Variants in ZNF268 observed in about 807,000 individuals in gnomAD.
ZNF268 encodes zinc finger protein 268.
A neutral mutation model predicts 29.3 loss-of-function variants in ZNF268; 20 were observed. That is an observed-to-expected ratio of 0.68 (90% CI 0.48 to 0.99). The LOEUF is 0.99. Among genes scored for constraint, ZNF268 ranks in the 50% least tolerant of loss-of-function variants. The pLI is 0.00. For missense variants in ZNF268, 1,240 were observed against 1,121.6 expected (o/e 1.11, Z -1.51); for synonymous variants, 429 against 376.9 (o/e 1.14, Z -1.60).
chr12:133,209,943 TC>T lies in ZNF268; in HGVS notation c.*5416del, dbSNP rs1408759058. ...TTGCAGTGTTTTGTCGCAGTGTTTC[TC>T]CCTTTTTTTGTACTGGGATTTCTCC... On this transcript the variant is annotated 3_prime_UTR_variant, in exon 6 of 6. Transcript: ENST00000536435. 2 of 152,256 alleles carry T rather than the reference TC, an allele frequency of 1.3e-5. No homozygotes were observed. Among genetic ancestry groups the T allele is most frequent in the Non-Finnish European group, 2.9e-5 (2 of 68,050 alleles). The allele number at this position is 152,256 out of a possible 1,614,324, so 9.4% of individuals were successfully genotyped here.
intron 2 of ZNF268, among the ~76,000 whole-genome samples, chr12:133,185,637 G>A (rs1329993887): frequency 6.6e-6 from 1 of 151,934 alleles, no homozygotes; most frequent in East Asian, 1.9e-4. Context: ...AGAGTGTGTG[G>A]CGCTAAGACA....
intron 3 of ZNF268, among the ~76,000 whole-genome samples, chr12:133,188,659 A>G (rs1015147913): frequency 2.6e-5 from 4 of 151,802 alleles, no homozygotes; most frequent in African/African-American, 4.8e-5. Context: ...TGTTTACGTA[A>G]TATGTATTGT....
intron 5 of ZNF268, among the ~76,000 whole-genome samples, chr12:133,198,885 T>C (rs1252615796): frequency 6.7e-6 from 1 of 148,498 alleles, no homozygotes; most frequent in Non-Finnish European, 1.5e-5. Flanking sequence ...ACATTGATTT[T>C]GTATCCTGAG....
intron 5 of ZNF268, chr12:133,193,497 C>T: frequency 1.4e-6 from 1 of 698,788 alleles, no homozygotes; most frequent in East Asian, 2.7e-5. Context: ...CTGCTCTGTG[C>T]TTCCAAGATG....
chr12:133,182,249 T>C (rs1480508730), intron 2 of ZNF268, among the ~76,000 whole-genome samples: 3 of 152,228 alleles, frequency 2.0e-5, no homozygotes, highest in South Asian at 4.1e-4. Context: ...CTAACAACTT[T>C]GTACGCTGAA....
In ZNF268 at chr12:133,193,385, A is replaced by G. The variant is rs1266805825; in HGVS notation, c.457+1382A>G. 8.1e-6 allele frequency: 5 copies of G among 613,960 alleles called. No homozygotes were observed. In the East Asian group the frequency reaches 1.1e-4, roughly 14 times the overall value. The allele number at this position is 613,960 out of a possible 1,614,324, so 38.0% of individuals were successfully genotyped here. A position where few individuals can be genotyped will look rare whatever the true frequency, so the allele number is the denominator to read the frequency against. ...TTGTGTTGCTGTAATAAAATACTATAGACTAGGTAATTTTATAAAGCACAG... is the reference window on the plus strand; with the variant it reads ...TTGTGTTGCTGTAATAAAATACTATGGACTAGGTAATTTTATAAAGCACAG... On this transcript the variant is annotated intron_variant, in intron 5 of 5. Transcript: ENST00000536435.
In ZNF268 at chr12:133,198,872, T is replaced by C. The variant is rs1321099320; in HGVS notation, c.458-3272T>C. Among the ~76,000 whole-genome samples, 11 of 148,732 alleles carry C rather than the reference T, an allele frequency of 7.4e-5. No homozygotes were observed. The East Asian group carries it at 1.9e-3, about 26-fold the overall frequency. On this transcript the variant is annotated intron_variant, in intron 5 of 5. Coordinates refer to ENST00000536435, the MANE Select transcript of ZNF268 (RefSeq NM_003415.3). Reference sequence around the variant, plus strand: ...GGTGTATAAGAATGCTTGTGATTTTTGTACATTGATTTTGTATCCTGAGAC... The same window carrying C: ...GGTGTATAAGAATGCTTGTGATTTTCGTACATTGATTTTGTATCCTGAGAC...
In ZNF268 at chr12:133,202,320, T is replaced by C; in HGVS notation, c.634T>C (p.Tyr212His). 1 of 1,611,994 alleles carries C rather than the reference T, an allele frequency of 6.2e-7. No individual in the cohort carries two copies. Among genetic ancestry groups the C allele is most frequent in the Non-Finnish European group, 8.5e-7 (1 of 1,179,024 alleles). ...TGGCACGCATGGAAAGAGTTTGAAA[T>C]ATATAGATTTCACTAGTGATTATGC... is the stretch of plus-strand genomic sequence containing the variant. ...KCGTHGKSLK[Y>H]IDFTSDYARN... The change falls in exon 6 of 6, where the codon TAT becomes CAT. Residue 212 changes from tyrosine (Y) to histidine (H), a missense_variant. By Grantham distance (83) the Tyr-to-His change is moderately conservative. Coordinates refer to ENST00000536435, the MANE Select transcript of ZNF268 (RefSeq NM_003415.3).
chr12:133,191,672 G>A (rs1956479979), intron 4 of ZNF268, 57 bp downstream of exon 4: 4 of 1,598,752 alleles, frequency 2.5e-6, no homozygotes, highest in African/African-American at 1.3e-5. Flanking sequence ...CTTCTTGGTT[G>A]CTGAAAACTG....
chr12:133,206,677 T>A lies in ZNF268; in HGVS notation c.*2147T>A, dbSNP rs1167431720. On this transcript the variant is annotated 3_prime_UTR_variant, in exon 6 of 6. Coordinates refer to ENST00000536435, the MANE Select transcript of ZNF268 (RefSeq NM_003415.3). ...TATTAGATACCCAAAGAAATTTTCA[T>A]CCTTGAAGCGGAGGAATTTAATGAT... 1.3e-5 allele frequency: 2 copies of A among 152,040 alleles called. No individual in the cohort carries two copies. The highest frequency in any genetic ancestry group is 4.8e-5 in the African/African-American group (2 of 41,450). 9.4% of individuals were successfully genotyped at this position (152,040 alleles called of 1,614,324 possible). A position where few individuals can be genotyped will look rare whatever the true frequency, so the allele number is the denominator to read the frequency against.
intron 5 of ZNF268, among the ~76,000 whole-genome samples, chr12:133,196,204 C>G (rs1021998852): frequency 3.3e-5 from 5 of 149,254 alleles, no homozygotes; most frequent in Admixed American, 3.3e-4. Context: ...TGCCTGTAAT[C>G]CCAGCTACTC....
intron 5 of ZNF268, among the ~76,000 whole-genome samples, chr12:133,198,350 T>G (rs1002024619): frequency 1.3e-5 from 2 of 150,412 alleles, no homozygotes; most frequent in Non-Finnish European, 3.0e-5. Context: ...GTTGTAGATA[T>G]GCGGCATTAT....
intron 5 of ZNF268, among the ~76,000 whole-genome samples, chr12:133,192,955 G>C (rs575336940): frequency 1.8e-3 from 281 of 152,290 alleles, no homozygotes; most frequent in African/African-American, 6.4e-3. Context: ...CACCATGCCT[G>C]GCCTTGCTAA....
At position 133,192,019 on chromosome 12, in the gene ZNF268, A is replaced by G. The variant is rs1956487939; in HGVS notation, c.457+16A>G. 6.3e-7 allele frequency: 1 copy of G among 1,582,312 alleles called. No homozygotes were observed. Among genetic ancestry groups the G allele is most frequent in the Non-Finnish European group, 8.6e-7 (1 of 1,157,776 alleles). ...ACCTGTCCAAGTGAGTGATGGAGAC[A>G]AATCTTTTCTTCTTTATTTAGAATT... On this transcript the variant is annotated intron_variant, in intron 5 of 5. Coordinates refer to ENST00000536435, the MANE Select transcript of ZNF268 (RefSeq NM_003415.3).
At chr12:133,189,151 AT>A (rs1956398963) in intron 3 of ZNF268, among the ~76,000 whole-genome samples, 1 of 151,006 alleles carries the variant, frequency 6.6e-6, no homozygotes, top group African/African-American at 2.4e-5. Flanking sequence ...GATATTTTAG[AT>A]TTATATGTAA....
Position 133,213,590 on chromosome 12 carries a change from G to A in ZNF268, c.*9060G>A, listed in dbSNP as rs1957017116. Reference sequence around the variant, plus strand: ...ATGTGCCTGTAATCCCAGCAACTCAGGAAGCTGAGGCAGGAGGATCGCTTG... The same window carrying A: ...ATGTGCCTGTAATCCCAGCAACTCAAGAAGCTGAGGCAGGAGGATCGCTTG... On this transcript the variant is annotated 3_prime_UTR_variant, in exon 6 of 6. Coordinates refer to ENST00000536435, the MANE Select transcript of ZNF268 (RefSeq NM_003415.3). 6.6e-6 allele frequency: 1 copy of A among 151,960 alleles called. No homozygotes were observed. The highest frequency in any genetic ancestry group is 2.4e-5 in the African/African-American group (1 of 41,368). The allele number at this position is 151,960 out of a possible 1,614,324, so 9.4% of individuals were successfully genotyped here.
chr12:133,203,628 G>A lies in ZNF268; in HGVS notation c.1942G>A (p.Ala648Thr), dbSNP rs1956814360. 16 of 1,565,330 alleles carry A rather than the reference G, an allele frequency of 1.0e-5. No homozygotes were observed. The highest frequency in any genetic ancestry group is 1.4e-5 in the African/African-American group (1 of 73,708). The change falls in exon 6 of 6, where the codon GCC becomes ACC. Residue 648 changes from alanine (A) to threonine (T), a missense_variant. Ala to Thr is a moderately conservative substitution (Grantham distance 58, BLOSUM62 0). Coordinates refer to ENST00000536435, the MANE Select transcript of ZNF268 (RefSeq NM_003415.3). ...KPYSCNECGK[A>T]FTFKSQLIVH... ...CTATAGTTGTAATGAATGTGGAAAA[G>A]CCTTTACGTTCAAATCACAGCTCAT... is the stretch of plus-strand genomic sequence containing the variant.
Position 133,181,607 on chromosome 12 carries a change from C to T in ZNF268, c.-132C>T, listed in dbSNP as rs142243531. ...GCCGAGTCTGGAGTGGTTGCGAACC[C>T]TTCTGGCTGCAGATCTGGAGGTGGA... On this transcript the variant is annotated 5_prime_UTR_variant, in exon 1 of 6. Coordinates refer to ENST00000536435, the MANE Select transcript of ZNF268 (RefSeq NM_003415.3). The T allele has an allele frequency of 9.0e-5, 17 of 189,736 alleles. No homozygotes were observed. Among genetic ancestry groups the T allele is most frequent in the African/African-American group, 3.7e-4 (16 of 43,204 alleles). The allele number at this position is 189,736 out of a possible 1,614,324, so 11.8% of individuals were successfully genotyped here.
Position 133,193,443 on chromosome 12 carries a change from A to G in ZNF268, c.457+1440A>G, listed in dbSNP as rs1035655027. The G allele has an allele frequency of 2.5e-5, 17 of 685,060 alleles. No homozygotes were observed. The African/African-American group carries it at 3.0e-4, about 12-fold the overall frequency. 42.4% of individuals were successfully genotyped at this position (685,060 alleles called of 1,614,324 possible). ...TTTCTCACAGTTTTGAAGGCTGGAAAGTCCAAAGCCAAGGTGCTGGCAGGT... is the reference window on the plus strand; with the variant it reads ...TTTCTCACAGTTTTGAAGGCTGGAAGGTCCAAAGCCAAGGTGCTGGCAGGT... On this transcript the variant is annotated intron_variant, in intron 5 of 5. Transcript: ENST00000536435.
Sources: allele counts gnomAD v4.1 joint callset (sites outside exome capture counted in the v4.1 genomes callset), GRCh38; gene constraint gnomAD v4.1.1; transcripts MANE v1.5; gene names NCBI Gene and HGNC (gene_info 2026-07-23, HGNC 2026-07-21).